BAZ1A: variants seen among roughly 807,000 people sequenced by gnomAD.
The protein encoded by BAZ1A is bromodomain adjacent to zinc finger domain protein 1A.
BAZ1A carries 50 observed loss-of-function variants against 185.2 expected under a neutral mutation model. The observed-to-expected ratio is 0.27, with a 90% CI of 0.22 to 0.34. BAZ1A has a LOEUF of 0.34. BAZ1A is among the 10% of genes least tolerant of loss of function. The pLI is 1.00. For synonymous variants in BAZ1A, 571 were observed against 615.6 expected, an observed-to-expected ratio of 0.93 and a Z score of 1.07; for missense variants, 1,356 against 1,839.9, an observed-to-expected ratio of 0.74 and a Z score of 4.81.
intron 21 of BAZ1A, among the ~76,000 whole-genome samples, chr14:34,767,152 T>C (rs909952663): frequency 1.3e-5 from 2 of 152,228 alleles, no homozygotes; most frequent in African/African-American, 4.8e-5. Flanking sequence ...TTGTTTTAGG[T>C]GTGTCTTTTG....
At position 34,832,215 on chromosome 14, in the gene BAZ1A, C is replaced by CACACACACACACATATATATAT; in HGVS notation, c.393-6060_393-6059insATATATATATGTGTGTGTGTGT. 4.5e-3 allele frequency among the ~76,000 whole-genome samples: 405 copies of CACACACACACACATATATATAT among 89,660 alleles called. 7 individuals are homozygous for CACACACACACACATATATATAT. The highest frequency in any genetic ancestry group is 6.7e-3 in the Non-Finnish European group (288 of 42,716). 58.8% of individuals were successfully genotyped at this position (89,660 alleles called of 152,430 possible). A position where few individuals can be genotyped will look rare whatever the true frequency, so the allele number is the denominator to read the frequency against. ...ATACACACACACACACACACACACA[C>CACACACACACACATATATATAT]ATATATATATATATATGTATGTATG... On this transcript the variant is annotated intron_variant, in intron 3 of 26. Coordinates refer to ENST00000360310, the MANE Select transcript of BAZ1A (RefSeq NM_013448.3).
intron 3 of BAZ1A, among the ~76,000 whole-genome samples, chr14:34,832,450 C>T (rs1367246668): frequency 3.3e-5 from 3 of 90,728 alleles, no homozygotes; most frequent in Admixed American, 1.2e-4. Context: ...ACTCTCACAA[C>T]TCAAAAAAAA....
chr14:34,752,768 A>AAGTT lies in BAZ1A; in HGVS notation c.*736_*739dup, dbSNP rs775223056. The AAGTT allele has an allele frequency of 5.9e-5, 9 of 152,342 alleles. No individual in the cohort carries two copies. Among genetic ancestry groups the AAGTT allele is most frequent in the East Asian group, 3.9e-4 (2 of 5,188 alleles). The allele number at this position is 152,342 out of a possible 1,614,324, so 9.4% of individuals were successfully genotyped here. The stretch of plus-strand genomic sequence containing the variant: ...ATGTTATTTTATTTGTACAGTTAAA[A>AAGTT]AGTTATACATAGAAACTTATAATAC... On this transcript the variant is annotated 3_prime_UTR_variant, in exon 27 of 27. Coordinates refer to ENST00000360310, the MANE Select transcript of BAZ1A (RefSeq NM_013448.3).
intron 23 of BAZ1A, among the ~76,000 whole-genome samples, 198 bp downstream of exon 23, chr14:34,764,509 C>T (rs1255962147): frequency 6.6e-6 from 1 of 152,040 alleles, no homozygotes; most frequent in Non-Finnish European, 1.5e-5. Context: ...CCAGGCTGAT[C>T]TCGAACTCCT....
intron 11 of BAZ1A, 32 bp downstream of exon 11, chr14:34,794,717 A>G (rs1402271719): frequency 2.5e-6 from 4 of 1,593,654 alleles, no homozygotes; most frequent in South Asian, 1.1e-5. Context: ...AGGATGAACT[A>G]TAATGTAGCA....
intron 21 of BAZ1A, among the ~76,000 whole-genome samples, chr14:34,769,792 G>A (rs1452267440): frequency 1.3e-5 from 2 of 152,154 alleles, no homozygotes; most frequent in Non-Finnish European, 2.9e-5. Context: ...AGCTAATTGT[G>A]TATTAATATG....
intron 12 of BAZ1A, 123 bp downstream of exon 12, chr14:34,792,652 C>G: frequency 8.7e-7 from 1 of 1,143,766 alleles, no homozygotes; most frequent in Non-Finnish European, 1.2e-6. Context: ...GATTCAACAT[C>G]AGGTAACCTG....
chr14:34,796,527 C>G (rs1881208513), intron 9 of BAZ1A, among the ~76,000 whole-genome samples: 1 of 152,112 alleles, frequency 6.6e-6, no homozygotes, highest in South Asian at 2.1e-4. Flanking sequence ...TAATTAAAAG[C>G]AACAATATTA....
chr14:34,796,968 A>G (rs1195938630), intron 9 of BAZ1A, among the ~76,000 whole-genome samples: 1 of 152,236 alleles, frequency 6.6e-6, no homozygotes, highest in African/African-American at 2.4e-5. Context: ...TATGTATAGA[A>G]AGTTTTAAAA....
At chr14:34,830,417 T>C (rs1474249520) in intron 3 of BAZ1A, among the ~76,000 whole-genome samples, 1 of 151,892 alleles carries the variant, frequency 6.6e-6, no homozygotes, top group Non-Finnish European at 1.5e-5. Flanking sequence ...ATTCCATTTA[T>C]ATGAAATATC....
At chr14:34,811,228 T>G (rs1367528398) in intron 4 of BAZ1A, among the ~76,000 whole-genome samples, 192 bp from the exon 5 acceptor site, 1 of 152,160 alleles carries the variant, frequency 6.6e-6, no homozygotes, top group African/African-American at 2.4e-5. Context: ...CACTGCAACC[T>G]CCGCCTCCTG....
In BAZ1A at chr14:34,821,889, C is replaced by T. The variant is rs190498567; in HGVS notation, c.536+4124G>A. ...ATCCCAGCTACTCCGGAGGCTGAGG[C>T]AGGAGAATCGCTTGAACCTGGAAGG... is the stretch of plus-strand genomic sequence containing the variant. On this transcript the variant is annotated intron_variant, in intron 4 of 26. Transcript: ENST00000360310. Among the ~76,000 whole-genome samples the T allele has an allele frequency of 5.7e-4, 86 of 152,048 alleles. No homozygotes were observed. In the East Asian group the frequency reaches 0.014, roughly 24 times the overall value.
Position 34,794,797 on chromosome 14 carries a change from C to T in BAZ1A, c.1315G>A (p.Gly439Arg), listed in dbSNP as rs1881091698. The T allele has an allele frequency of 6.2e-7, 1 of 1,614,008 alleles. No individual in the cohort carries two copies. Among genetic ancestry groups the T allele is most frequent in the Non-Finnish European group, 8.5e-7 (1 of 1,179,950 alleles). ...TCATCTTGAAGATCAAAAAGTTCCC[C>T]AAATGCATTAAGGAACTCCAAAACC... ...LMVLEFLNAF[G>R]ELFDLQDEFP... Residue 439 changes from glycine (G) to arginine (R), a missense_variant, in exon 11 of 27, where the codon GGG (glycine) becomes AGG (arginine). Transcript: ENST00000360310.
At chr14:34,800,774 G>A (rs904410243) in intron 8 of BAZ1A, among the ~76,000 whole-genome samples, 4 of 152,146 alleles carry the variant, frequency 2.6e-5, no homozygotes, top group Non-Finnish European at 4.4e-5. Context: ...TCAAGTTTGG[G>A]AAGCAATGTT....
chr14:34,794,132 G>GA (rs962885567), intron 11 of BAZ1A, among the ~76,000 whole-genome samples: 55 of 142,824 alleles, frequency 3.9e-4, no homozygotes, highest in Middle Eastern at 3.5e-3. Context: ...ACTGTCTCAA[G>GA]AAAAAAAAAA....
chr14:34,773,199 C>G (rs931888943), intron 20 of BAZ1A, among the ~76,000 whole-genome samples: 2 of 152,134 alleles, frequency 1.3e-5, no homozygotes, highest in Non-Finnish European at 2.9e-5. Flanking sequence ...CCCACGCCAT[C>G]TTGCCTGGCT....
intron 3 of BAZ1A, among the ~76,000 whole-genome samples, chr14:34,843,886 A>T (rs1056336272): frequency 3.3e-5 from 5 of 152,122 alleles, no homozygotes; most frequent in African/African-American, 1.2e-4. Flanking sequence ...GGCCAAATCC[A>T]GCTCATCACC....
chr14:34,758,021 A>G (rs1278342184), intron 25 of BAZ1A, among the ~76,000 whole-genome samples: 2 of 150,402 alleles, frequency 1.3e-5, no homozygotes, highest in African/African-American at 2.4e-5. Context: ...TGCTGGGATT[A>G]CAGGTGTGAG....
At chr14:34,771,938 C>CT (rs1879250531) in intron 20 of BAZ1A, among the ~76,000 whole-genome samples, 1 of 151,740 alleles carries the variant, frequency 6.6e-6, no homozygotes, top group African/African-American at 2.4e-5. Flanking sequence ...CAGCTTATCT[C>CT]TATTTCTCTT....
Sources: allele counts gnomAD v4.1 joint callset (sites outside exome capture counted in the v4.1 genomes callset), GRCh38; gene constraint gnomAD v4.1.1; transcripts MANE v1.5; gene names NCBI Gene and HGNC (gene_info 2026-07-23, HGNC 2026-07-21).